The following RTL4 variants were observed in gnomAD, a reference collection of about 807,000 sequenced individuals.
RTL4 encodes retrotransposon Gag-like protein 4.
RTL4 carries 4 observed loss-of-function variants against 5.3 expected under a neutral mutation model. The ratio of observed to expected loss-of-function variants is 0.75; its 90% CI spans 0.37 to 1.72. The LOEUF is 1.72. RTL4 is among the 40% of genes most tolerant of loss of function. The pLI is 0.04. For missense variants in RTL4, 260 were observed against 227.1 expected (o/e 1.14, Z -0.93); for synonymous variants, 98 against 87.3 (o/e 1.12, Z -0.68).
the RTL4 span, among the ~76,000 whole-genome samples, chrX:112,403,441 T>C: frequency 8.9e-6 from 1 of 112,117 alleles, no homozygotes; most frequent in Non-Finnish European, 1.9e-5. Flanking sequence ...CAGAAAGCTT[T>C]GTCTAGTGGA....
the RTL4 span, among the ~76,000 whole-genome samples, chrX:112,357,073 A>G: frequency 2.0e-4 from 22 of 111,704 alleles, no homozygotes; most frequent in Non-Finnish European, 4.1e-4. Flanking sequence ...TAGATTATGT[A>G]TCCACAAGTT....
At chrX:112,236,328 A>G in the RTL4 span, among the ~76,000 whole-genome samples, 8 of 103,232 alleles carry the variant, frequency 7.7e-5, no homozygotes, top group Admixed American at 8.7e-4. Flanking sequence ...CAAGATTATT[A>G]TGAGAATTAA....
chrX:112,396,468 A>T, the RTL4 span, among the ~76,000 whole-genome samples: 3 of 110,740 alleles, frequency 2.7e-5, no homozygotes, highest in Admixed American at 9.6e-5. Flanking sequence ...TAGTTGTTAA[A>T]TTTGGTGTTC....
exon 1 of RTL4, chrX:112,456,102 C>G (rs760135202): frequency 3.6e-6 from 1 of 275,927 alleles, no homozygotes; most frequent in African/African-American, 3.6e-5. Context: ...ATCCTAGTTT[C>G]CTGTTGGCTT....
the RTL4 span, among the ~76,000 whole-genome samples, chrX:112,255,155 AT>A: frequency 3.6e-5 from 4 of 111,705 alleles, no homozygotes; most frequent in African/African-American, 9.7e-5. Context: ...GAAACACCAC[AT>A]TTTTTTGATA....
At chrX:112,332,436 T>C in the RTL4 span, among the ~76,000 whole-genome samples, 1 of 110,729 alleles carries the variant, frequency 9.0e-6, no homozygotes, top group Non-Finnish European at 1.9e-5. Context: ...CCAACCCAAA[T>C]GTCCAACAAT....
chrX:112,228,439 A>G, the RTL4 span, among the ~76,000 whole-genome samples: 10 of 112,699 alleles, frequency 8.9e-5, no homozygotes, highest in Non-Finnish European at 1.9e-4. Flanking sequence ...ACAAAATTAT[A>G]TGTATTCAAG....
chrX:112,166,199 A>G, the RTL4 span, among the ~76,000 whole-genome samples: 1 of 112,069 alleles, frequency 8.9e-6, no homozygotes, highest in South Asian at 3.7e-4. Context: ...CTCTGAGTCC[A>G]CTAATTGGGA....
At chrX:112,311,568 C>T in the RTL4 span, among the ~76,000 whole-genome samples, 3 of 110,999 alleles carry the variant, frequency 2.7e-5, no homozygotes, top group African/African-American at 9.8e-5. Flanking sequence ...GACTTTTTCC[C>T]TCCCTCCTCC....
the RTL4 span, among the ~76,000 whole-genome samples, chrX:112,325,042 A>G: frequency 8.1e-5 from 9 of 111,681 alleles, no homozygotes; most frequent in African/African-American, 2.9e-4. Flanking sequence ...GTGAACTCCC[A>G]TTCACAATTG....
chrX:112,349,813 G>A, the RTL4 span, among the ~76,000 whole-genome samples: 1 of 100,985 alleles, frequency 9.9e-6, no homozygotes, highest in Admixed American at 1.1e-4. Flanking sequence ...CTGCAAACAG[G>A]GACAATTTGA....
the RTL4 span, among the ~76,000 whole-genome samples, chrX:112,324,964 A>C: frequency 2.7e-5 from 3 of 111,695 alleles, no homozygotes; most frequent in Non-Finnish European, 5.6e-5. Flanking sequence ...AAGGATACAA[A>C]ATCAATATGC....
chrX:112,265,776 C>A, the RTL4 span, among the ~76,000 whole-genome samples: 2 of 108,844 alleles, frequency 1.8e-5, no homozygotes, highest in African/African-American at 6.7e-5. Flanking sequence ...TTTCCCTTCC[C>A]ATTTTCCCCT....
the RTL4 span, among the ~76,000 whole-genome samples, chrX:112,293,627 A>ACTTTT: frequency 8.9e-6 from 1 of 112,062 alleles, no homozygotes; most frequent in Non-Finnish European, 1.9e-5. Flanking sequence ...TCTTAGTTAA[A>ACTTTT]AGTAATTTCC....
the RTL4 span, among the ~76,000 whole-genome samples, chrX:112,444,960 T>C: frequency 8.9e-6 from 1 of 111,961 alleles, no homozygotes; most frequent in East Asian, 2.8e-4. Flanking sequence ...AACCAACTTT[T>C]GGTTTTATTG....
the RTL4 span, among the ~76,000 whole-genome samples, chrX:112,219,614 A>T: frequency 8.9e-6 from 1 of 112,363 alleles, no homozygotes; most frequent in Non-Finnish European, 1.9e-5. Context: ...AAAGCAAAAC[A>T]AACCAAAATT....
the RTL4 span, among the ~76,000 whole-genome samples, chrX:112,194,966 G>A: frequency 4.5e-5 from 5 of 112,100 alleles, no homozygotes; most frequent in South Asian, 1.5e-3. Context: ...GATAAAGCAT[G>A]CCAAACACTG....
At chrX:112,093,878 A>G in the RTL4 span, among the ~76,000 whole-genome samples, 1 of 112,101 alleles carries the variant, frequency 8.9e-6, no homozygotes, top group African/African-American at 3.2e-5. Flanking sequence ...GTGAAATAAA[A>G]GAAATGCAGC....
chrX:112,116,166 G>A, the RTL4 span, among the ~76,000 whole-genome samples: 5 of 111,749 alleles, frequency 4.5e-5, no homozygotes, highest in Non-Finnish European at 7.5e-5. Context: ...ACAGATGCCC[G>A]GCCTTTAGCC....
Sources: gnomAD v4.1 joint callset for allele counts (sites outside exome capture counted in the v4.1 genomes callset) on GRCh38, gnomAD v4.1.1 for gene constraint, MANE v1.5 for transcripts, NCBI Gene and HGNC (gene_info 2026-07-23, HGNC 2026-07-21) for gene names.